TSKS: variants seen among roughly 807,000 people sequenced by gnomAD.
TSKS encodes testis specific serine kinase substrate.
TSKS carries 27 observed loss-of-function variants against 68.0 expected under a neutral mutation model. That is an observed-to-expected ratio of 0.40 (90% CI 0.29 to 0.55). The LOEUF is 0.55. TSKS is among the 20% of genes least tolerant of loss of function. The pLI is 0.53. For missense variants in TSKS, 806 were observed against 776.0 expected (o/e 1.04, Z -0.46); for synonymous variants, 331 against 340.4 (o/e 0.97, Z 0.30).
rs200407380 is a variant in TSKS, at chr19:49,762,819, TCTC to T, written c.170+256_170+258del. On this transcript the variant is annotated intron_variant, in intron 1 of 10. Coordinates refer to ENST00000246801, the MANE Select transcript of TSKS (RefSeq NM_021733.2). ...TTCTTCTTCATTCACTAGCCTCCCT[TCTC>T]CTTCTTCCCTCCCCACTGGCTTTTT... 9.4e-3 allele frequency among the ~76,000 whole-genome samples: 1,430 copies of T among 151,522 alleles called. 11 individuals carry two copies. Among genetic ancestry groups the T allele is most frequent in the Middle Eastern group, 0.044 (13 of 294 alleles).
chr19:49,748,172 G>A lies in TSKS; in HGVS notation c.496-4C>T, dbSNP rs746456147. The A allele has an allele frequency of 6.2e-7, 1 of 1,614,168 alleles. No individual in the cohort carries two copies. Among genetic ancestry groups the A allele is most frequent in the South Asian group, 1.1e-5 (1 of 91,084 alleles). ...CGCTCAGCACAGAACACTCGCTCTGGAGCATGGAAGGAGGAGAGGTTAGCC... is the reference window on the plus strand; with the variant it reads ...CGCTCAGCACAGAACACTCGCTCTGAAGCATGGAAGGAGGAGAGGTTAGCC... On this transcript the variant is annotated splice_region_variant and splice_polypyrimidine_tract_variant and intron_variant, in intron 3 of 10. Coordinates refer to ENST00000246801, the MANE Select transcript of TSKS (RefSeq NM_021733.2).
intron 2 of TSKS, among the ~76,000 whole-genome samples, chr19:49,755,804 C>T (rs2084387964): frequency 6.6e-6 from 1 of 152,048 alleles, no homozygotes; most frequent in Admixed American, 6.6e-5. Context: ...AGTTTGAAAC[C>T]AGCCTGGCCA....
At chr19:49,747,353 C>G (rs1198783077) in intron 5 of TSKS, 36 bp downstream of exon 5, 1 of 1,614,038 alleles carries the variant, frequency 6.2e-7, no homozygotes, top group Admixed American at 1.7e-5. Context: ...ATCTGACCTC[C>G]TCCCACAAAT....
chr19:49,744,872 G>A (rs987886598), intron 7 of TSKS, among the ~76,000 whole-genome samples: 4 of 152,096 alleles, frequency 2.6e-5, no homozygotes, highest in Admixed American at 6.6e-5. Context: ...TTATAGATGT[G>A]AGCCACCTCA....
intron 2 of TSKS, among the ~76,000 whole-genome samples, chr19:49,748,773 A>C (rs1257491638): frequency 6.6e-6 from 1 of 152,086 alleles, no homozygotes; most frequent in Non-Finnish European, 1.5e-5. Flanking sequence ...CACTGAGCTA[A>C]ATGTCCTTGG....
intron 2 of TSKS, 126 bp from the exon 3 acceptor site, chr19:49,748,595 T>A: frequency 1.2e-6 from 1 of 820,902 alleles, no homozygotes; most frequent in Non-Finnish European, 2.0e-6. Context: ...CTATGTGACT[T>A]GGAGCCAAGG....
At chr19:49,760,935 A>G (rs889229371) in intron 2 of TSKS, among the ~76,000 whole-genome samples, 2 of 152,020 alleles carry the variant, frequency 1.3e-5, no homozygotes, top group Admixed American at 6.6e-5. Context: ...CTAAAAATAC[A>G]AAATTAGCTG....
intron 4 of TSKS, 127 bp from the exon 5 acceptor site, chr19:49,747,599 T>A: frequency 1.1e-6 from 1 of 922,850 alleles, no homozygotes; most frequent in Non-Finnish European, 1.7e-6. Flanking sequence ...ACTCACCAGC[T>A]CATTTCCTTG....
intron 2 of TSKS, among the ~76,000 whole-genome samples, chr19:49,758,556 G>A (rs921878730): frequency 6.6e-6 from 1 of 152,144 alleles, no homozygotes; most frequent in East Asian, 1.9e-4. Context: ...CCAAGACAGG[G>A]CGGAGAGCTC....
Position 49,740,134 on chromosome 19 carries a change from C to T in TSKS, c.1547G>A (p.Ser516Asn). ...GTCTTGGGCCAGCCGAAGGGTGGAG[C>T]TCAGGGCCTCTGCCCTGACGTGTTT... ...LAKHVRAEAL[S>N]STLRLAQDEA... Residue 516 changes from serine (S) to asparagine (N), a missense_variant, in exon 10 of 11, where the codon AGC (serine) becomes AAC (asparagine). Ser to Asn is a conservative substitution (Grantham distance 46). Transcript: ENST00000246801. 6.2e-7 allele frequency: 1 copy of T among 1,614,118 alleles called. No individual in the cohort carries two copies. Among genetic ancestry groups the T allele is most frequent in the Non-Finnish European group, 8.5e-7 (1 of 1,180,016 alleles).
chr19:49,744,523 G>T (rs1423261617), intron 7 of TSKS, 119 bp from the exon 8 acceptor site: 2 of 975,242 alleles, frequency 2.1e-6, no homozygotes, highest in African/African-American at 1.6e-5. Context: ...TCTCCACCCT[G>T]CCCTCCCCTC....
At chr19:49,758,884 T>A (rs926124022) in intron 2 of TSKS, among the ~76,000 whole-genome samples, 56 of 151,402 alleles carry the variant, frequency 3.7e-4, no homozygotes, top group Admixed American at 6.6e-4. Context: ...TGAGACGGAG[T>A]TTTGCTCTTG....
At chr19:49,750,744 C>A (rs1238775448) in intron 2 of TSKS, among the ~76,000 whole-genome samples, 2 of 152,160 alleles carry the variant, frequency 1.3e-5, no homozygotes, top group Non-Finnish European at 1.5e-5. Context: ...GAGCAACTGT[C>A]TAGAAATGGC....
intron 2 of TSKS, among the ~76,000 whole-genome samples, chr19:49,749,498 G>A (rs879800421): frequency 2.0e-5 from 3 of 152,190 alleles, no homozygotes; most frequent in Non-Finnish European, 4.4e-5. Flanking sequence ...AGAAGCCTTA[G>A]CCTGGCACAT....
Position 49,746,690 on chromosome 19 carries a change from G to T in TSKS, c.772C>A (p.Pro258Thr). The change falls in exon 6 of 11, where the codon CCG (proline) becomes ACG (threonine). Residue 258 changes from proline to threonine, a missense_variant. Pro to Thr is a conservative substitution (Grantham distance 38). Coordinates refer to ENST00000246801, the MANE Select transcript of TSKS (RefSeq NM_021733.2). ...EKQEPEEKQE[P>T]EEKQKPEAGL... ...GCCTCCGGCTTCTGCTTCTCCTCCGGCTCCTGCTTCTCCTCCGGCTCCTGC... is the reference window on the plus strand; with the variant it reads ...GCCTCCGGCTTCTGCTTCTCCTCCGTCTCCTGCTTCTCCTCCGGCTCCTGC... 1 of 1,296,874 alleles carries T rather than the reference G, an allele frequency of 7.7e-7. No homozygotes were observed. 80.3% of individuals were successfully genotyped at this position (1,296,874 alleles called of 1,614,324 possible).
chr19:49,739,865 G>C lies in TSKS; in HGVS notation c.1690C>G (p.Leu564Val), dbSNP rs2084236637. 1 of 1,614,038 alleles carries C rather than the reference G, an allele frequency of 6.2e-7. No individual in the cohort carries two copies. The highest frequency in any genetic ancestry group is 1.3e-5 in the African/African-American group (1 of 74,934). Residue 564 changes from leucine (L) to valine (V), a missense_variant, in exon 11 of 11, where the codon CTG becomes GTG. By Grantham distance (32) the Leu-to-Val change is conservative. Coordinates refer to ENST00000246801, the MANE Select transcript of TSKS (RefSeq NM_021733.2). ...MCSLHDHLSNLPLEGSTGTMG... is the reference protein window; with the variant it reads ...MCSLHDHLSNVPLEGSTGTMG... ...GTTCCCGTGGACCCCTCAAGTGGCA[G>C]GTTGCTGAGATGATCGTGGAGGGAG...
intron 2 of TSKS, among the ~76,000 whole-genome samples, chr19:49,750,262 CTTTTT>C (rs34913477): frequency 7.3e-6 from 1 of 136,220 alleles, no homozygotes. Flanking sequence ...CATTGACATT[CTTTTT>C]TTTTTTTTTT....
chr19:49,758,451 T>G (rs1600200869), intron 2 of TSKS, among the ~76,000 whole-genome samples: 1 of 152,134 alleles, frequency 6.6e-6, no homozygotes, highest in Non-Finnish European at 1.5e-5. Flanking sequence ...CTGCCTGGGG[T>G]ACTTTCTCAG....
intron 2 of TSKS, among the ~76,000 whole-genome samples, chr19:49,756,914 G>A (rs1369191807): frequency 6.6e-6 from 1 of 152,082 alleles, no homozygotes; most frequent in Non-Finnish European, 1.5e-5. Flanking sequence ...ACAAAAATTA[G>A]CTGGGCATGG....
Sources: gnomAD v4.1 joint callset for allele counts (sites outside exome capture counted in the v4.1 genomes callset) on GRCh38, gnomAD v4.1.1 for gene constraint, MANE v1.5 for transcripts, NCBI Gene and HGNC (gene_info 2026-07-23, HGNC 2026-07-21) for gene names.